The following SLC12A7 variants were observed in gnomAD, a reference collection of about 807,000 sequenced individuals.
SLC12A7 encodes K-Cl cotransporter 4.
In SLC12A7, 100 loss-of-function variants were observed where a neutral mutation model predicts 120.6. The ratio of observed to expected loss-of-function variants is 0.83; its 90% confidence interval spans 0.71 to 0.98. The LOEUF (loss-of-function observed/expected upper bound fraction) is 0.98, where lower values mean the gene tolerates loss of function less well. Among genes scored for constraint, SLC12A7 ranks in the 50% least tolerant of loss-of-function variants. The pLI is 0.00. For missense variants in SLC12A7, 1,373 were observed against 1,548.1 expected, an observed-to-expected ratio of 0.89 and a Z score of 1.90; for synonymous variants, 760 against 678.0, an observed-to-expected ratio of 1.12 and a Z score of -1.88.
intron 22 of SLC12A7, among the ~76,000 whole-genome samples, chr5:1,055,047 G>A (rs1561025103): frequency 6.6e-6 from 1 of 152,210 alleles, no homozygotes; most frequent in African/African-American, 2.4e-5. Flanking sequence ...CGGAGACCTG[G>A]CCCTTGGCTA....
the SLC12A7 span, among the ~76,000 whole-genome samples, chr5:1,121,244 C>T: frequency 1.2e-3 from 186 of 152,290 alleles, 1 homozygote; most frequent in African/African-American, 4.3e-3. Context: ...GTGTGGTCCC[C>T]AGACACAGCT....
At chr5:1,121,555 G>A in the SLC12A7 span, among the ~76,000 whole-genome samples, 8 of 152,244 alleles carry the variant, frequency 5.3e-5, no homozygotes, top group Non-Finnish European at 1.0e-4. Flanking sequence ...GCATTGGTGG[G>A]CACAGGAAGG....
chr5:1,074,980 G>A (rs1738162925), intron 15 of SLC12A7, among the ~76,000 whole-genome samples: 1 of 152,212 alleles, frequency 6.6e-6, no homozygotes, highest in Admixed American at 6.5e-5. Context: ...CGGGCACGAG[G>A]CGGGTGCAGG....
chr5:1,120,949 C>G, the SLC12A7 span, among the ~76,000 whole-genome samples: 1 of 152,192 alleles, frequency 6.6e-6, no homozygotes, highest in Non-Finnish European at 1.5e-5. Flanking sequence ...GGAGCTCACC[C>G]GGCAAAGATT....
upstream of SLC12A7, among the ~76,000 whole-genome samples, chr5:1,113,104 C>T (rs1410919375): frequency 1.3e-5 from 2 of 152,200 alleles, no homozygotes; most frequent in African/African-American, 4.8e-5. Context: ...TCATGAAAAA[C>T]GGAACAATCA....
At chr5:1,106,218 C>T (rs765018326) in intron 1 of SLC12A7, among the ~76,000 whole-genome samples, 88 of 152,180 alleles carry the variant, frequency 5.8e-4, no homozygotes, top group South Asian at 2.1e-4. Context: ...TCCGGGAGGC[C>T]GAAGTGGGCA....
At chr5:1,119,931 T>C in the SLC12A7 span, among the ~76,000 whole-genome samples, 2 of 152,258 alleles carry the variant, frequency 1.3e-5, no homozygotes, top group African/African-American at 4.8e-5. Context: ...CTGAGCTGGC[T>C]GAAGGCGCAC....
chr5:1,129,894 T>C, the SLC12A7 span, among the ~76,000 whole-genome samples: 23 of 152,070 alleles, frequency 1.5e-4, no homozygotes, highest in African/African-American at 5.3e-4. Context: ...GCACAGCCCA[T>C]TGTGTCCTGG....
At chr5:1,079,898 C>T (rs558803040) in intron 9 of SLC12A7, among the ~76,000 whole-genome samples, 96 of 152,372 alleles carry the variant, frequency 6.3e-4, no homozygotes, top group Admixed American at 7.2e-4. Context: ...CTCAGCCCAG[C>T]CAGCCAGGCC....
intron 3 of SLC12A7, 78 bp from the exon 4 acceptor site, chr5:1,089,206 C>G: frequency 6.6e-7 from 1 of 1,526,644 alleles, no homozygotes; most frequent in Admixed American, 1.9e-5. Flanking sequence ...TGCACTCAGG[C>G]CCTGGGCAGG....
At chr5:1,056,244 T>C (rs1249549127) in intron 22 of SLC12A7, among the ~76,000 whole-genome samples, 1 of 152,076 alleles carries the variant, frequency 6.6e-6, no homozygotes, top group Non-Finnish European at 1.5e-5. Flanking sequence ...AGGACGTGGA[T>C]GGACTCACTG....
chr5:1,146,030 G>A, the SLC12A7 span, among the ~76,000 whole-genome samples: 1 of 152,012 alleles, frequency 6.6e-6, no homozygotes, highest in South Asian at 2.1e-4. This position sits in a 1 kb window ranked among gnomAD's most constrained non-coding sequence, Gnocchi z 6.5. Context: ...CCCTCCCCCA[G>A]CCCCTGGCAG....
At position 1,052,264 on chromosome 5, in the gene SLC12A7, G is replaced by A. The variant is rs759199235; in HGVS notation, c.*96C>T. The A allele has an allele frequency of 2.9e-6, 3 of 1,031,776 alleles. No individual in the cohort carries two copies. Among genetic ancestry groups the A allele is most frequent in the Admixed American group, 1.7e-5 (1 of 58,082 alleles). 63.9% of individuals were successfully genotyped at this position (1,031,776 alleles called of 1,614,324 possible). On this transcript the variant is annotated 3_prime_UTR_variant, in exon 24 of 24. Coordinates refer to ENST00000264930, the MANE Select transcript of SLC12A7 (RefSeq NM_006598.3). ...CTTGGGCGGCATCACTGGGGGACAG[G>A]TGTGTCTGCCGTCTGTTTCCCTGGG...
intron 12 of SLC12A7, among the ~76,000 whole-genome samples, chr5:1,077,046 TG>T (rs1364585540): frequency 1.5e-5 from 2 of 131,428 alleles, no homozygotes; most frequent in Non-Finnish European, 3.1e-5. Flanking sequence ...GCAACCTGTG[TG>T]GCCCCAGCCT....
chr5:1,061,282 T>C lies in SLC12A7; in HGVS notation c.2740-831A>G, dbSNP rs374029355. Among the ~76,000 whole-genome samples, 19 of 2,098 alleles carry C rather than the reference T, an allele frequency of 9.1e-3. 1 individual carries two copies. The highest frequency in any genetic ancestry group is 9.1e-3 in the African/African-American group (18 of 1,974). 1.4% of individuals were successfully genotyped at this position (2,098 alleles called of 152,430 possible). A position where few individuals can be genotyped will look rare whatever the true frequency, so the allele number is the denominator to read the frequency against. On this transcript the variant is annotated intron_variant, in intron 20 of 23. Coordinates refer to ENST00000264930, the MANE Select transcript of SLC12A7 (RefSeq NM_006598.3). ...ACCCCTGCGTCTCACCCACCGCACC[T>C]GCCGTGCAGGATCCCTGAGTCTCAC...
intron 20 of SLC12A7, 127 bp from the exon 21 acceptor site, chr5:1,060,578 C>T (rs1205905499): frequency 8.8e-6 from 6 of 678,612 alleles, no homozygotes; most frequent in Non-Finnish European, 1.5e-5. Context: ...CCGGGCCCCA[C>T]AGGCCCCCTC....
chr5:1,076,624 T>A (rs925966069), intron 13 of SLC12A7, 70 bp downstream of exon 13: 21 of 1,149,712 alleles, frequency 1.8e-5, no homozygotes, highest in African/African-American at 3.0e-5. Context: ...GAGCAGGACC[T>A]CCCATCCACA....
At chr5:1,098,580 C>G (rs557524997) in intron 1 of SLC12A7, among the ~76,000 whole-genome samples, 1 of 69,234 alleles carries the variant, frequency 1.4e-5, no homozygotes, top group East Asian at 5.0e-4. Flanking sequence ...CCCCTTCTAA[C>G]CCTCTGCACA....
rs1739147079 is a variant in SLC12A7 at position 1,081,731 on chromosome 5, A to G, written c.1143T>C (p.Ser381=). Reference sequence around the variant, plus strand: ...CAAACGCCCCCGCGTGCGCGTACGTACTCCACAGGTTCTCTGCCGGGCAAG... The same window carrying G: ...CAAACGCCCCCGCGTGCGCGTACGTGCTCCACAGGTTCTCTGCCGGGCAAG... The part of the protein sequence containing the change: ...ASGVFLENLW[S]TYAHAGAFVE... Residue 381 remains serine (S), a synonymous_variant, in exon 9 of 24, where the codon AGT becomes AGC. Transcript: ENST00000264930. The G allele has an allele frequency of 6.2e-7, 1 of 1,611,990 alleles. No individual in the cohort carries two copies. The highest frequency in any genetic ancestry group is 8.5e-7 in the Non-Finnish European group (1 of 1,179,454).
Sources: gnomAD v4.1 joint callset for allele counts (sites outside exome capture counted in the v4.1 genomes callset) on GRCh38, gnomAD v4.1.1 for gene constraint, Gnocchi (gnomAD v3.1) non-coding constraint, MANE v1.5 for transcripts, NCBI Gene and HGNC (gene_info 2026-07-23, HGNC 2026-07-21) for gene names.